The following EPHA10 variants were observed in gnomAD, a reference collection of about 807,000 sequenced individuals.
EPHA10 encodes the protein EPH receptor A10, also known as ephrin type-A receptor 10.
Under a neutral mutation model 109.7 loss-of-function variants are expected in EPHA10, and 120 were observed. That is an observed-to-expected ratio of 1.09 (90% confidence interval 0.94 to 1.27). EPHA10 has a LOEUF of 1.27. Ranked by LOEUF, EPHA10 falls within the 50% of genes most tolerant of loss-of-function variation. The probability of loss-of-function intolerance (pLI) is 0.00; values close to 1 mark genes in which losing one functional copy is unlikely to be tolerated. For synonymous variants in EPHA10, 640 were observed against 618.9 expected, an observed-to-expected ratio of 1.03 and a Z score of -0.51; for missense variants, 1,396 against 1,411.1, an observed-to-expected ratio of 0.99 and a Z score of 0.17.
chr1:37,749,710 TA>T (rs1446680874), intron 5 of EPHA10, among the ~76,000 whole-genome samples: 2 of 151,700 alleles, frequency 1.3e-5, no homozygotes, highest in Non-Finnish European at 2.9e-5. Context: ...AAATGCCAGA[TA>T]AAAGTTAGTA....
At chr1:37,731,328 T>G (rs947994151) in intron 7 of EPHA10, 83 bp downstream of exon 7, 2 of 1,401,116 alleles carry the variant, frequency 1.4e-6, no homozygotes, top group African/African-American at 2.9e-5. Flanking sequence ...CAGATAACTC[T>G]CCCCCTCTAT....
At chr1:37,720,622 C>T (rs1008879) in intron 12 of EPHA10, 68 bp from the exon 13 acceptor site, 247,740 of 1,546,566 alleles carry the variant, frequency 0.16, 20,850 homozygotes, top group African/African-American at 0.19. Context: ...GACACCAGGG[C>T]GGTCACCTAG....
chr1:37,761,661 G>A lies in EPHA10; in HGVS notation c.594C>T (p.Cys198=). 3.1e-6 allele frequency: 5 copies of A among 1,609,186 alleles called. No individual in the cohort carries two copies. Among genetic ancestry groups the A allele is most frequent in the Non-Finnish European group, 4.2e-6 (5 of 1,179,854 alleles). ...FHLAFQDVGA[C]VALVSVRVYY... ...AGACGCGCACCGAGACAAGCGCCAC[G>A]CATGCGCCCACGTCCTGAAAGGCCA... Residue 198 remains cysteine, a synonymous_variant, in exon 3 of 17, where the codon TGC becomes TGT. Transcript: ENST00000373048.
chr1:37,753,176 G>A lies in EPHA10; in HGVS notation c.1057C>T (p.Leu353=), dbSNP rs1352852607. The change falls in exon 5 of 17, where the codon CTG becomes TTG. Residue 353 remains leucine, a synonymous_variant. Coordinates refer to ENST00000373048, the MANE Select transcript of EPHA10 (RefSeq NM_001099439.2). ...GGCAGCCAGCGCAGTCGCAGCACCA[G>A]CGGCGAGCGGCTCAGGCTGTACTGC... ...DLQYSLSRSP[L]VLRLRWLPPA... 3 of 1,404,710 alleles carry A rather than the reference G, an allele frequency of 2.1e-6. No homozygotes were observed. The highest frequency in any genetic ancestry group is 2.8e-6 in the Non-Finnish European group (3 of 1,081,110). 87.0% of individuals were successfully genotyped at this position (1,404,710 alleles called of 1,614,324 possible).
In EPHA10 at chr1:37,717,532, C is replaced by T; in HGVS notation, c.*840G>A. ...CTCTGAGTCTCCTCTTCACCCTCCC[C>T]ATGGCTGGAGAGAAAAGCTCTTGGG... is the stretch of plus-strand genomic sequence containing the variant. On this transcript the variant is annotated 3_prime_UTR_variant, in exon 17 of 17. Coordinates refer to ENST00000373048, the MANE Select transcript of EPHA10 (RefSeq NM_001099439.2). 1 of 231,662 alleles carries T rather than the reference C, an allele frequency of 4.3e-6. No homozygotes were observed. The highest frequency in any genetic ancestry group is 6.1e-5 in the East Asian group (1 of 16,366). 14.4% of individuals were successfully genotyped at this position (231,662 alleles called of 1,614,324 possible).
chr1:37,751,298 G>A (rs1365825244), intron 5 of EPHA10, among the ~76,000 whole-genome samples: 2 of 151,716 alleles, frequency 1.3e-5, no homozygotes, highest in African/African-American at 4.8e-5. Flanking sequence ...CTGGCATGAG[G>A]TGGCTCATGC....
In EPHA10 at chr1:37,727,062, G is replaced by T; in HGVS notation, c.1772+40C>A. ...GCACACATTAATGTGCACGGGACAT[G>T]ACCCACCAGGAGTCACCTAGGCTGG... On this transcript the variant is annotated intron_variant, in intron 8 of 16. Coordinates refer to ENST00000373048, the MANE Select transcript of EPHA10 (RefSeq NM_001099439.2). 4 of 1,531,154 alleles carry T rather than the reference G, an allele frequency of 2.6e-6. No individual in the cohort carries two copies. The South Asian group carries it at 3.5e-5, about 14-fold the overall frequency. The allele number at this position is 1,531,154 out of a possible 1,614,324, so 94.8% of individuals were successfully genotyped here. A position where few individuals can be genotyped will look rare whatever the true frequency, so the allele number is the denominator to read the frequency against.
At chr1:37,740,923 G>A (rs1557547535) in intron 5 of EPHA10, among the ~76,000 whole-genome samples, 1 of 152,174 alleles carries the variant, frequency 6.6e-6, no homozygotes, top group South Asian at 2.1e-4. Flanking sequence ...TAGGGAATAA[G>A]CCTGAGACAC....
Position 37,761,728 on chromosome 1 carries a change from T to A in EPHA10, c.527A>T (p.Glu176Val). 6.2e-7 allele frequency: 1 copy of A among 1,613,554 alleles called. No homozygotes were observed. The highest frequency in any genetic ancestry group is 8.5e-7 in the Non-Finnish European group (1 of 1,179,882). Residue 176 changes from glutamate (E) to valine (V), a missense_variant, in exon 3 of 17, where the codon GAG (glutamate) becomes GTG (valine). By Grantham distance (121) the Glu-to-Val change is moderately radical. Coordinates refer to ENST00000373048, the MANE Select transcript of EPHA10 (RefSeq NM_001099439.2). ...LGERKMKLNT[E>V]VREIGPLSRR... Reference sequence around the variant, plus strand: ...GCTGAGCGGTCCGATCTCGCGCACCTCTGTGTTCAGCTTCATCTTGCGCTC... The same window carrying A: ...GCTGAGCGGTCCGATCTCGCGCACCACTGTGTTCAGCTTCATCTTGCGCTC...
chr1:37,760,207 C>G (rs1412766963), intron 3 of EPHA10: 1 of 919,610 alleles, frequency 1.1e-6, no homozygotes, highest in African/African-American at 1.8e-5. Context: ...AGACTGTGAG[C>G]TTCTTGAGAG....
chr1:37,726,991 C>T, intron 8 of EPHA10, 111 bp downstream of exon 8: 1 of 752,010 alleles, frequency 1.3e-6, no homozygotes, highest in Admixed American at 2.9e-5. Context: ...AGTGTGCTTG[C>T]AGGTGCAAAT....
chr1:37,765,112 C>T lies in EPHA10; in HGVS notation c.-46G>A, dbSNP rs2148373440. On this transcript the variant is annotated 5_prime_UTR_variant, in exon 1 of 17. Transcript: ENST00000373048. ...AGTCCGGCGGCGGCTCAAGCCGCGC[C>T]AGCCTAGCACCGCTGAGCAATGCCC... The T allele has an allele frequency of 1.3e-6, 2 of 1,517,434 alleles. No individual in the cohort carries two copies. Among genetic ancestry groups the T allele is most frequent in the South Asian group, 1.2e-5 (1 of 84,124 alleles). 94.0% of individuals were successfully genotyped at this position (1,517,434 alleles called of 1,614,324 possible).
At chr1:37,719,835 G>T (rs201902034) in intron 14 of EPHA10, 74 bp downstream of exon 14, 56 of 1,608,326 alleles carry the variant, frequency 3.5e-5, no homozygotes, top group Non-Finnish European at 4.7e-5. Context: ...GAGGGCCAAC[G>T]GGCAGAGGTC....
In EPHA10 at chr1:37,718,235, C is replaced by T; in HGVS notation, c.*137G>A. ...GGCAGTGAAAGCGGGGAAGCTGTGG[C>T]CCCACCAGATCTGGGCCCAAGCAGA... On this transcript the variant is annotated 3_prime_UTR_variant, in exon 17 of 17. Coordinates refer to ENST00000373048, the MANE Select transcript of EPHA10 (RefSeq NM_001099439.2). 5.4e-6 allele frequency: 4 copies of T among 740,212 alleles called. No homozygotes were observed. Among genetic ancestry groups the T allele is most frequent in the Non-Finnish European group, 6.8e-6 (3 of 440,720 alleles). The allele number at this position is 740,212 out of a possible 1,614,324, so 45.9% of individuals were successfully genotyped here.
Position 37,732,948 on chromosome 1 carries a change from G to C in EPHA10, c.1492-1366C>G, listed in dbSNP as rs533524125. On this transcript the variant is annotated intron_variant, in intron 6 of 16. Coordinates refer to ENST00000373048, the MANE Select transcript of EPHA10 (RefSeq NM_001099439.2). ...TGTGTCACCTAGGCTGGAATGCAGT[G>C]TGGTGCAATCTCGGCTCACTGCAAC... 2.4e-5 allele frequency among the ~76,000 whole-genome samples: 3 copies of C among 122,566 alleles called. No individual in the cohort carries two copies. In the East Asian group the frequency reaches 8.0e-4, roughly 33 times the overall value. 80.4% of individuals were successfully genotyped at this position (122,566 alleles called of 152,430 possible).
At chr1:37,739,750 G>A (rs1488596862) in intron 5 of EPHA10, among the ~76,000 whole-genome samples, 1 of 151,224 alleles carries the variant, frequency 6.6e-6, no homozygotes, top group East Asian at 1.9e-4. Context: ...GGTGGTGGGG[G>A]TAAAGGGGAG....
intron 5 of EPHA10, among the ~76,000 whole-genome samples, chr1:37,736,524 A>T (rs1646075216): frequency 6.7e-6 from 1 of 149,840 alleles, no homozygotes; most frequent in Admixed American, 6.7e-5. Context: ...CCTGGCCAAC[A>T]TGGTGAAACC....
At chr1:37,734,417 C>A (rs1646036023) in intron 6 of EPHA10, among the ~76,000 whole-genome samples, 1 of 152,000 alleles carries the variant, frequency 6.6e-6, no homozygotes, top group Non-Finnish European at 1.5e-5. Flanking sequence ...GCCTGTAATC[C>A]CAGCTACTTG....
At position 37,735,434 on chromosome 1, in the gene EPHA10, C is replaced by T. The variant is rs370938135; in HGVS notation, c.1358-44G>A. 169 of 1,554,076 alleles carry T rather than the reference C, an allele frequency of 1.1e-4. No individual in the cohort carries two copies. The African/African-American group carries it at 2.0e-3, about 18-fold the overall frequency. On this transcript the variant is annotated intron_variant, in intron 5 of 16. Transcript: ENST00000373048. Reference sequence around the variant, plus strand: ...GGATTCTCCACCTTGACCCACCTCACGGCAGGGCTGGGGGTGCGGGGAAGA... The same window carrying T: ...GGATTCTCCACCTTGACCCACCTCATGGCAGGGCTGGGGGTGCGGGGAAGA...
Sources: gnomAD v4.1 joint callset for allele counts (sites outside exome capture counted in the v4.1 genomes callset) on GRCh38, gnomAD v4.1.1 for gene constraint, MANE v1.5 for transcripts, NCBI Gene and HGNC (gene_info 2026-07-23, HGNC 2026-07-21) for gene names.